Variants in USH1C observed in about 807,000 individuals in gnomAD.
USH1C encodes USH1 protein network component harmonin.
A neutral mutation model predicts 119.3 loss-of-function variants in USH1C; 90 were observed. The ratio of observed to expected loss-of-function variants is 0.75; its 90% CI spans 0.64 to 0.90. The LOEUF is 0.90. USH1C is among the 40% of genes least tolerant of loss of function. USH1C has a pLI of 0.00. For missense variants in USH1C, 1,165 were observed against 1,167.7 expected, an observed-to-expected ratio of 1.00 and a Z score of 0.03; for synonymous variants, 465 against 443.3, an observed-to-expected ratio of 1.05 and a Z score of -0.62.
rs1282018968 is a variant in USH1C, at chr11:17,517,292, C to T, written c.1211-1002G>A. 5 of 1,129,010 alleles carry T rather than the reference C, an allele frequency of 4.4e-6. No individual in the cohort carries two copies. The South Asian group carries it at 5.3e-5, about 12-fold the overall frequency. The allele number at this position is 1,129,010 out of a possible 1,614,324, so 69.9% of individuals were successfully genotyped here. ...GGAGGAGCTTTACAGACTCTATTGG[C>T]CCCCACACATGCTGGGCCCCTGAAG... is the stretch of plus-strand genomic sequence containing the variant. On this transcript the variant is annotated intron_variant, in intron 14 of 26. Coordinates refer to ENST00000005226, the MANE Select transcript of USH1C (RefSeq NM_153676.4).
At chr11:17,521,092 A>G in intron 13 of USH1C, 98 bp from the exon 14 acceptor site, 1 of 1,538,028 alleles carries the variant, frequency 6.5e-7, no homozygotes, top group Non-Finnish European at 9.0e-7. Context: ...GAGAAGCCTC[A>G]TGGTTCTAGT....
In USH1C at chr11:17,531,146, T is replaced by C; in HGVS notation, c.387+8A>G. On this transcript the variant is annotated splice_region_variant and intron_variant, in intron 4 of 26. Coordinates refer to ENST00000005226, the MANE Select transcript of USH1C (RefSeq NM_153676.4). The surrounding 1 kb of genome is among the most constrained non-coding windows in gnomAD (Gnocchi z 4.2). Reference sequence around the variant, plus strand: ...TCGCTCCCCCTCCCCCGGACTCTGTTTGCTCACCTGGAGCCCGACGCTGTC... The same window carrying C: ...TCGCTCCCCCTCCCCCGGACTCTGTCTGCTCACCTGGAGCCCGACGCTGTC... 6.2e-7 allele frequency: 1 copy of C among 1,613,994 alleles called. No homozygotes were observed. The highest frequency in any genetic ancestry group is 8.5e-7 in the Non-Finnish European group (1 of 1,179,994).
Position 17,531,245 on chromosome 11 carries a change from C to T in USH1C, c.296G>A (p.Gly99Asp). 4 of 1,614,162 alleles carry T rather than the reference C, an allele frequency of 2.5e-6. No individual in the cohort carries two copies. The highest frequency in any genetic ancestry group is 2.2e-5 in the East Asian group (1 of 44,882). Residue 99 changes from glycine to aspartate, a missense_variant, in exon 4 of 27, where the codon GGC (glycine) becomes GAC (aspartate). Gly to Asp is a moderately conservative substitution (Grantham distance 94). Transcript: ENST00000005226. The surrounding 1 kb of genome is among the most constrained non-coding windows in gnomAD (Gnocchi z 4.2). ...CTCCAGGCCACCACGCACACTCAGG[C>T]CGAGGCCTTCGGGGTGCAGACGGTC... is the stretch of plus-strand genomic sequence containing the variant. Reference protein sequence around the residue: ...RLDRLHPEGLGLSVRGGLEFG... With the variant: ...RLDRLHPEGLDLSVRGGLEFG...
At chr11:17,533,007 C>CTG (rs112907225) in intron 2 of USH1C, among the ~76,000 whole-genome samples, 2 of 152,234 alleles carry the variant, frequency 1.3e-5, no homozygotes, top group South Asian at 4.1e-4. Context: ...CTCCATCAGA[C>CTG]TGTGAGCAAC....
At chr11:17,514,939 G>T (rs1199839112) in intron 15 of USH1C, among the ~76,000 whole-genome samples, 1 of 151,874 alleles carries the variant, frequency 6.6e-6, no homozygotes, top group Non-Finnish European at 1.5e-5. Flanking sequence ...GATGGGAGGT[G>T]GTATGTGGAG....
chr11:17,501,356 G>T, intron 22 of USH1C, 126 bp downstream of exon 22: 2 of 1,196,424 alleles, frequency 1.7e-6, no homozygotes, highest in Non-Finnish European at 2.4e-6. Context: ...CCGTGGGAGA[G>T]GGGAGGACAG....
chr11:17,501,196 C>T (rs762176830), intron 22 of USH1C, 46 bp from the exon 23 acceptor site: 1 of 1,461,630 alleles, frequency 6.8e-7, no homozygotes, highest in African/African-American at 1.4e-5. Context: ...AGACAGCAGC[C>T]TGTGGACACC....
chr11:17,516,421 A>G, intron 14 of USH1C, 131 bp from the exon 15 acceptor site: 1 of 900,882 alleles, frequency 1.1e-6, no homozygotes, highest in Non-Finnish European at 1.8e-6. Context: ...CAGATCCGAC[A>G]GCAAAACTGC....
At chr11:17,526,192 C>T (rs145908619) in intron 8 of USH1C, among the ~76,000 whole-genome samples, 155 bp downstream of exon 8, 3 of 152,286 alleles carry the variant, frequency 2.0e-5, no homozygotes, top group South Asian at 4.1e-4. Context: ...CAGAGTCAGA[C>T]CCTGTATCTA....
In USH1C at chr11:17,544,140, G is replaced by T. The variant is rs1168308211; in HGVS notation, c.36+132C>A. On this transcript the variant is annotated intron_variant, in intron 1 of 26. Transcript: ENST00000005226. ...CCCTGCTGCCAGCCAGACGACCCTC[G>T]GGTGTCCCAGCCCAACCAGAGCCAT... 5.0e-6 allele frequency: 6 copies of T among 1,193,944 alleles called. No homozygotes were observed. The African/African-American group carries it at 6.0e-5, about 12-fold the overall frequency. The allele number at this position is 1,193,944 out of a possible 1,614,324, so 74.0% of individuals were successfully genotyped here.
chr11:17,496,633 T>A (rs2072229), intron 25 of USH1C, 125 bp downstream of exon 25: 8 of 1,199,734 alleles, frequency 6.7e-6, no homozygotes, highest in Non-Finnish European at 9.7e-6. Context: ...GCTCTGGCTA[T>A]GAGAAGCTGC....
chr11:17,501,654 A>C, intron 21 of USH1C, 119 bp from the exon 22 acceptor site: 10 of 1,223,974 alleles, frequency 8.2e-6, no homozygotes, highest in African/African-American at 1.5e-5. Context: ...CACATGGGCA[A>C]GGGGACCGTG....
At chr11:17,537,498 C>A (rs552095097) in intron 1 of USH1C, among the ~76,000 whole-genome samples, 8 of 152,218 alleles carry the variant, frequency 5.3e-5, no homozygotes, top group Non-Finnish European at 8.8e-5. Context: ...TAGTCTAGAG[C>A]CTTCTTTCTG....
chr11:17,496,871 C>A, intron 24 of USH1C, 58 bp from the exon 25 acceptor site: 1 of 1,594,016 alleles, frequency 6.3e-7, no homozygotes. Context: ...GCATCTGCCC[C>A]GGCACTCCAT....
intron 18 of USH1C, 146 bp downstream of exon 18, chr11:17,509,210 T>G (rs952871434): frequency 9.5e-6 from 11 of 1,157,360 alleles, no homozygotes; most frequent in South Asian, 1.8e-5. Context: ...TGTCCACACA[T>G]GCACACGGAG....
intron 20 of USH1C, among the ~76,000 whole-genome samples, chr11:17,502,201 G>T (rs1429528001): frequency 6.6e-6 from 1 of 152,098 alleles, no homozygotes; most frequent in Non-Finnish European, 1.5e-5. Context: ...GACTTTAGAG[G>T]ATCTTGACCC....
chr11:17,531,231 C>T lies in USH1C; in HGVS notation c.310G>A (p.Gly104Ser). ...HPEGLGLSVR[G>S]GLEFGCGLFI... ...AGCCCACAGCCAAACTCCAGGCCAC[C>T]ACGCACACTCAGGCCGAGGCCTTCG... The change falls in exon 4 of 27, where the codon GGT becomes AGT. Residue 104 changes from glycine (G) to serine (S), a missense_variant. Transcript: ENST00000005226. This position sits in a 1 kb window ranked among gnomAD's most constrained non-coding sequence, Gnocchi z 4.2. 1.2e-6 allele frequency: 2 copies of T among 1,614,178 alleles called. No individual in the cohort carries two copies. The highest frequency in any genetic ancestry group is 1.7e-6 in the Non-Finnish European group (2 of 1,180,046).
chr11:17,530,293 C>T (rs140715909), intron 4 of USH1C, among the ~76,000 whole-genome samples: 95 of 152,288 alleles, frequency 6.2e-4, no homozygotes, highest in African/African-American at 2.2e-3. Context: ...TGGAGGTCTG[C>T]CCATCTCTGC....
intron 16 of USH1C, among the ~76,000 whole-genome samples, chr11:17,511,269 C>T (rs75185877): frequency 0.028 from 4,244 of 152,118 alleles, 196 homozygotes; most frequent in African/African-American, 0.097. Flanking sequence ...TGGGAGATAA[C>T]CTCGCACCTA....
Sources: gnomAD v4.1 joint callset for allele counts (sites outside exome capture counted in the v4.1 genomes callset) on GRCh38, gnomAD v4.1.1 for gene constraint, Gnocchi (gnomAD v3.1) non-coding constraint, MANE v1.5 for transcripts, NCBI Gene and HGNC (gene_info 2026-07-23, HGNC 2026-07-21) for gene names.